The following OR2AP1 variants were observed in gnomAD, a reference collection of about 807,000 sequenced individuals.
OR2AP1 encodes the protein olfactory receptor family 2 subfamily AP member 1, also known as olfactory receptor 2AP1.
Under a neutral mutation model 13.9 loss-of-function variants are expected in OR2AP1, and 20 were observed. The ratio of observed to expected loss-of-function variants is 1.44; its 90% CI spans 1.01 to 2.09. The LOEUF (loss-of-function observed/expected upper bound fraction) is 2.09. Ranked by LOEUF, OR2AP1 falls within the 30% of genes most tolerant of loss-of-function variation. The pLI, the probability that OR2AP1 is intolerant of heterozygous loss-of-function variation, is 0.00. For missense variants in OR2AP1, 490 were observed against 360.6 expected (o/e 1.36, Z -2.91); for synonymous variants, 174 against 137.0 (o/e 1.27, Z -1.89).
chr12:55,574,875 T>C lies in OR2AP1; in HGVS notation c.461T>C (p.Ile154Thr), dbSNP rs1438339107. 3 of 1,554,170 alleles carry C rather than the reference T, an allele frequency of 1.9e-6. No homozygotes were observed. The highest frequency in any genetic ancestry group is 2.4e-5 in the East Asian group (1 of 41,868). The change falls in exon 2 of 2, where the codon ATT becomes ACT. Residue 154 changes from isoleucine (I) to threonine (T), a missense_variant. Transcript: ENST00000641114. ...TCTTGGCTGGGTGGGCTAATGGCTA[T>C]TATACCAACAATCACCCTGATGAGT... ...FCSWLGGLMA[I>T]IPTITLMSQQ...
Position 55,575,256 on chromosome 12 carries a change from C to A in OR2AP1, c.842C>A (p.Pro281His). The A allele has an allele frequency of 6.4e-7, 1 of 1,552,610 alleles. No individual in the cohort carries two copies. Among genetic ancestry groups the A allele is most frequent in the Non-Finnish European group, 8.7e-7 (1 of 1,154,226 alleles). Reference sequence around the variant, plus strand: ...GCTCTACTCATTACTTCAGTTGCTCCTTTGTTGAACCCCTTTATTTACACC... The same window carrying A: ...GCTCTACTCATTACTTCAGTTGCTCATTTGTTGAACCCCTTTATTTACACC... ...GVALLITSVA[P>H]LLNPFIYTLR... Residue 281 changes from proline to histidine, a missense_variant, in exon 2 of 2, where the codon CCT (proline) becomes CAT (histidine). Physicochemically the swap from Pro to His is moderately conservative, Grantham distance 77 (BLOSUM62 -2). Transcript: ENST00000641114.
rs1308231856 is a variant in OR2AP1, at chr12:55,574,649, G to A, written c.235G>A (p.Val79Ile). The change falls in exon 2 of 2, where the codon GTC (valine) becomes ATC (isoleucine). Residue 79 changes from valine (V) to isoleucine (I), a missense_variant. Coordinates refer to ENST00000641114, the MANE Select transcript of OR2AP1 (RefSeq NM_001258285.2). The stretch of plus-strand genomic sequence containing the variant: ...CTTCACAAACATCTTCATTCCAAGG[G>A]TCCTGATTAGCATCACAACAGGGAA... The part of the protein sequence containing the change: ...ISFTNIFIPR[V>I]LISITTGNKS... 4.5e-6 allele frequency: 7 copies of A among 1,544,802 alleles called. No individual in the cohort carries two copies. In the Admixed American group the frequency reaches 1.2e-4, roughly 26 times the overall value.
rs184796258 is a variant in OR2AP1, at chr12:55,575,032, G to A, written c.618G>A (p.Val206=). The A allele has an allele frequency of 7.1e-6, 11 of 1,538,578 alleles. No individual in the cohort carries two copies. Among genetic ancestry groups the A allele is most frequent in the Non-Finnish European group, 7.0e-6 (8 of 1,147,388 alleles). The change falls in exon 2 of 2, where the codon GTG becomes GTA. Residue 206 remains valine (V), a synonymous_variant. Coordinates refer to ENST00000641114, the MANE Select transcript of OR2AP1 (RefSeq NM_001258285.2). ...TTCTTGTGGCATCTGTGACCCTGGT[G>A]GTCACTCTGGTGCTAGTGATTCTCT... ...VVFLVASVTL[V]VTLVLVILSY... is the part of the protein sequence containing the mutation.
intron 1 of OR2AP1, among the ~76,000 whole-genome samples, chr12:55,572,959 G>A (rs1229669684): frequency 6.6e-6 from 1 of 152,052 alleles, no homozygotes; most frequent in Admixed American, 6.6e-5. Flanking sequence ...GATCATTTGA[G>A]CCCAGGAGTT....
At chr12:55,572,803 C>A (rs1464798429) in intron 1 of OR2AP1, among the ~76,000 whole-genome samples, 181 bp downstream of exon 1, 1 of 152,172 alleles carries the variant, frequency 6.6e-6, no homozygotes, top group African/African-American at 2.4e-5. Context: ...CTGTTGACTG[C>A]AACCCAATAG....
intron 1 of OR2AP1, 52 bp from the exon 2 acceptor site, chr12:55,574,168 C>A: frequency 2.2e-6 from 1 of 454,302 alleles, no homozygotes; most frequent in South Asian, 4.0e-5. Flanking sequence ...CTCATGTGAG[C>A]ACTAGGGAGA....
At position 55,575,144 on chromosome 12, in the gene OR2AP1, A is replaced by T; in HGVS notation, c.730A>T (p.Ile244Phe). The T allele has an allele frequency of 6.2e-7, 1 of 1,601,518 alleles. No homozygotes were observed. Among genetic ancestry groups the T allele is most frequent in the South Asian group, 1.1e-5 (1 of 90,616 alleles). ...CTTTTCCACATGTTCTTCCCACATG[A>T]TTGTCATCTCCCTCTCTTACGGAAG... ...KAFSTCSSHMIVISLSYGSCM... is the reference protein window; with the variant it reads ...KAFSTCSSHMFVISLSYGSCM... Residue 244 changes from isoleucine (I) to phenylalanine (F), a missense_variant, in exon 2 of 2, where the codon ATT (isoleucine) becomes TTT (phenylalanine). Transcript: ENST00000641114.
At position 55,574,320 on chromosome 12, in the gene OR2AP1, G is replaced by A; in HGVS notation, c.-95G>A. 1 of 662,660 alleles carries A rather than the reference G, an allele frequency of 1.5e-6. No homozygotes were observed. The highest frequency in any genetic ancestry group is 2.5e-6 in the Non-Finnish European group (1 of 392,426). The allele number at this position is 662,660 out of a possible 1,614,324, so 41.0% of individuals were successfully genotyped here. On this transcript the variant is annotated 5_prime_UTR_variant, in exon 2 of 2. Transcript: ENST00000641114. Reference sequence around the variant, plus strand: ...TAATCATCCATTTCATTTTTTTCTTGTCAGACTTCATCCGTTCATTTCAGA... The same window carrying A: ...TAATCATCCATTTCATTTTTTTCTTATCAGACTTCATCCGTTCATTTCAGA...
chr12:55,575,205 A>G lies in OR2AP1; in HGVS notation c.791A>G (p.Glu264Gly), dbSNP rs897203362. The change falls in exon 2 of 2, where the codon GAA (glutamate) becomes GGA (glycine). Residue 264 changes from glutamate to glycine, a missense_variant. Coordinates refer to ENST00000641114, the MANE Select transcript of OR2AP1 (RefSeq NM_001258285.2). ...MFMYINPSAKEGDTFNKGVAL... is the reference protein window; with the variant it reads ...MFMYINPSAKGGDTFNKGVAL... ...ATGTACATTAATCCCTCTGCAAAAG[A>G]AGGGGATACATTCAACAAGGGAGTA... 6.3e-7 allele frequency: 1 copy of G among 1,591,012 alleles called. No individual in the cohort carries two copies. Among genetic ancestry groups the G allele is most frequent in the Non-Finnish European group, 8.5e-7 (1 of 1,173,734 alleles).
In OR2AP1 at chr12:55,575,037, C is replaced by G; in HGVS notation, c.623C>G (p.Thr208Ser). 1 of 1,539,136 alleles carries G rather than the reference C, an allele frequency of 6.5e-7. No homozygotes were observed. The highest frequency in any genetic ancestry group is 1.4e-5 in the African/African-American group (1 of 73,204). The change falls in exon 2 of 2, where the codon ACT (threonine) becomes AGT (serine). Residue 208 changes from threonine (T) to serine (S), a missense_variant. Thr to Ser is a moderately conservative substitution (Grantham distance 58). Transcript: ENST00000641114. ...GTGGCATCTGTGACCCTGGTGGTCACTCTGGTGCTAGTGATTCTCTCCTAT... is the reference window on the plus strand; with the variant it reads ...GTGGCATCTGTGACCCTGGTGGTCAGTCTGGTGCTAGTGATTCTCTCCTAT... ...FLVASVTLVV[T>S]LVLVILSYAF... is the part of the protein sequence containing the mutation.
At chr12:55,573,357 G>T (rs1874470745) in intron 1 of OR2AP1, among the ~76,000 whole-genome samples, 1 of 152,014 alleles carries the variant, frequency 6.6e-6, no homozygotes. Context: ...AAGAAATCTT[G>T]AATAAATCAA....
At chr12:55,573,505 A>G (rs1016499635) in intron 1 of OR2AP1, among the ~76,000 whole-genome samples, 1 of 152,216 alleles carries the variant, frequency 6.6e-6, no homozygotes, top group African/African-American at 2.4e-5. Flanking sequence ...TTTTCCCCAT[A>G]AAATTCACAT....
chr12:55,574,522 C>T lies in OR2AP1; in HGVS notation c.108C>T (p.Ser36=). The part of the protein sequence containing the change: ...FTFLFLAYLL[S]ILGNLTILIL... ...TTCTTTTCCTTGCGTATTTACTCAG[C>T]ATCCTTGGAAATCTGACTATCCTCA... The change falls in exon 2 of 2, where the codon AGC becomes AGT. Residue 36 remains serine (S), a synonymous_variant. Transcript: ENST00000641114. 6.5e-7 allele frequency: 1 copy of T among 1,537,510 alleles called. No individual in the cohort carries two copies. Among genetic ancestry groups the T allele is most frequent in the Non-Finnish European group, 8.7e-7 (1 of 1,146,810 alleles).
At chr12:55,573,184 C>CATATATAT (rs3064656) in intron 1 of OR2AP1, among the ~76,000 whole-genome samples, 1 of 149,626 alleles carries the variant, frequency 6.7e-6, no homozygotes, top group African/African-American at 2.5e-5. Context: ...GCTCAAAATA[C>CATATATAT]ATATATATAT....
chr12:55,573,527 C>A (rs1266575239), intron 1 of OR2AP1, among the ~76,000 whole-genome samples: 1 of 152,080 alleles, frequency 6.6e-6, no homozygotes, highest in Non-Finnish European at 1.5e-5. Flanking sequence ...CCCACATACA[C>A]AAAATGTTTT....
rs886535509 is a variant in OR2AP1, at chr12:55,572,526, T to C, written c.-292T>C. On this transcript the variant is annotated 5_prime_UTR_variant, in exon 1 of 2. Coordinates refer to ENST00000641114, the MANE Select transcript of OR2AP1 (RefSeq NM_001258285.2). ...TTGGATAGTCAAGTCAGGAAGTATG[T>C]TACCTGTTTATAGCTTCATTTATTT... 6.6e-6 allele frequency: 1 copy of C among 151,670 alleles called. No individual in the cohort carries two copies. The highest frequency in any genetic ancestry group is 1.5e-5 in the Non-Finnish European group (1 of 68,018). 9.4% of individuals were successfully genotyped at this position (151,670 alleles called of 1,614,324 possible). A position where few individuals can be genotyped will look rare whatever the true frequency, so the allele number is the denominator to read the frequency against.
At chr12:55,572,974 A>C (rs895786801) in intron 1 of OR2AP1, among the ~76,000 whole-genome samples, 6 of 152,196 alleles carry the variant, frequency 3.9e-5, no homozygotes, top group Non-Finnish European at 7.4e-5. Flanking sequence ...GGAGTTCAAA[A>C]CCAGCCTGGG....
chr12:55,575,502 T>C lies in OR2AP1; in HGVS notation c.*158T>C. On this transcript the variant is annotated 3_prime_UTR_variant, in exon 2 of 2. Transcript: ENST00000641114. ...AAAAATGATGAGTTGATGTCCTTTG[T>C]AGGGACATGGATGAAATTGGAAATC... is the stretch of plus-strand genomic sequence containing the variant. 1 of 522,264 alleles carries C rather than the reference T, an allele frequency of 1.9e-6. No homozygotes were observed. Among genetic ancestry groups the C allele is most frequent in the Non-Finnish European group, 3.4e-6 (1 of 293,154 alleles). 32.4% of individuals were successfully genotyped at this position (522,264 alleles called of 1,614,324 possible). A position where few individuals can be genotyped will look rare whatever the true frequency, so the allele number is the denominator to read the frequency against.
Position 55,574,576 on chromosome 12 carries a change from G to A in OR2AP1, c.162G>A (p.Gln54=), listed in dbSNP as rs919338102. The change falls in exon 2 of 2, where the codon CAG becomes CAA. Residue 54 remains glutamine (Q), a synonymous_variant. Coordinates refer to ENST00000641114, the MANE Select transcript of OR2AP1 (RefSeq NM_001258285.2). ...TCACCTTGCTGGACTCCCACCTTCA[G>A]ACTCCCATGTATTTCTTTCTCCGGA... ...LILTLLDSHL[Q]TPMYFFLRNF... 2 of 1,540,468 alleles carry A rather than the reference G, an allele frequency of 1.3e-6. No individual in the cohort carries two copies. Among genetic ancestry groups the A allele is most frequent in the Non-Finnish European group, 1.7e-6 (2 of 1,148,474 alleles).
Sources: gnomAD v4.1 joint callset for allele counts (sites outside exome capture counted in the v4.1 genomes callset) on GRCh38, gnomAD v4.1.1 for gene constraint, MANE v1.5 for transcripts, NCBI Gene and HGNC (gene_info 2026-07-23, HGNC 2026-07-21) for gene names.